The following SART3 variants were observed in gnomAD, a reference collection of about 807,000 sequenced individuals.
SART3 encodes the protein spliceosome associated factor 3, U4/U6 recycling protein.
SART3 carries 44 observed loss-of-function variants against 122.3 expected under a neutral mutation model. The ratio of observed to expected loss-of-function variants is 0.36; its 90% confidence interval spans 0.28 to 0.46. The LOEUF is 0.46. SART3 is among the 20% of genes least tolerant of loss of function. The pLI, the probability that SART3 is intolerant of heterozygous loss-of-function variation, is 1.00. For missense variants in SART3, 1,101 were observed against 1,229.0 expected, an observed-to-expected ratio of 0.90 and a Z score of 1.56; for synonymous variants, 442 against 454.0, an observed-to-expected ratio of 0.97 and a Z score of 0.34.
chr12:108,525,535 C>T lies in SART3; in HGVS notation c.2445G>A (p.Glu815=). 1 of 1,614,178 alleles carries T rather than the reference C, an allele frequency of 6.2e-7. No homozygotes were observed. Among genetic ancestry groups the T allele is most frequent in the Non-Finnish European group, 8.5e-7 (1 of 1,180,014 alleles). The change falls in exon 17 of 19, where the codon GAG becomes GAA. Residue 815 remains glutamate, a synonymous_variant. Coordinates refer to ENST00000546815, the MANE Select transcript of SART3 (RefSeq NM_014706.4). ...GAGCCTTACAGATTTCTTCTAGTTC[C>T]TCTTTAGTACAGGAGAAAGGCAGGC... is the stretch of plus-strand genomic sequence containing the variant. ...ISGLPFSCTK[E]ELEEICKAHG...
chr12:108,538,402 C>A (rs1873009826), intron 7 of SART3, among the ~76,000 whole-genome samples, 199 bp from the exon 8 acceptor site: 1 of 152,170 alleles, frequency 6.6e-6, no homozygotes, highest in South Asian at 2.1e-4. Flanking sequence ...TTAAAACAGC[C>A]TTAAAAGACG....
intron 4 of SART3, chr12:108,544,789 T>A (rs1243998367): frequency 5.2e-6 from 3 of 575,450 alleles, no homozygotes. Flanking sequence ...GGTCTTGTAC[T>A]CCTGAACTCA....
chr12:108,523,972 A>G (rs1171203598), intron 18 of SART3: 1 of 550,882 alleles, frequency 1.8e-6, no homozygotes, highest in Non-Finnish European at 3.2e-6. Context: ...TATGTGGATC[A>G]TAGCTAGGGC....
intron 12 of SART3, among the ~76,000 whole-genome samples, chr12:108,534,670 C>T (rs1872828929): frequency 1.3e-5 from 2 of 152,054 alleles, no homozygotes; most frequent in Non-Finnish European, 2.9e-5. Flanking sequence ...GTGAGACTCC[C>T]CACCTCCCCC....
chr12:108,548,894 G>A (rs1388497777), intron 2 of SART3, among the ~76,000 whole-genome samples, 194 bp downstream of exon 2: 6 of 152,128 alleles, frequency 3.9e-5, no homozygotes, highest in Admixed American at 6.5e-5. Context: ...TTCAAAATCC[G>A]TGTTATATGA....
rs150251795 is a variant in SART3 at position 108,534,894 on chromosome 12, AT to A, written c.1556+464del. Among the ~76,000 whole-genome samples the A allele has an allele frequency of 5.7e-3, 864 of 152,308 alleles. 5 individuals are homozygous for A. The highest frequency in any genetic ancestry group is 0.01 in the Middle Eastern group (3 of 294). ...TTATAAATATTGTTAGGCCTATCTT[AT>A]TTCGTTCAAATAGTTTTAAAGGCTT... On this transcript the variant is annotated intron_variant, in intron 12 of 18. Transcript: ENST00000546815.
At position 108,530,126 on chromosome 12, in the gene SART3, C is replaced by T; in HGVS notation, c.1915+16G>A. The T allele has an allele frequency of 6.2e-7, 1 of 1,614,042 alleles. No individual in the cohort carries two copies. Among genetic ancestry groups the T allele is most frequent in the East Asian group, 2.2e-5 (1 of 44,892 alleles). ...TTTAAGACGTTTCAAAACACAATTT[C>T]TCAAGAGCTCCTTACCTTCTTCATC... On this transcript the variant is annotated intron_variant, in intron 15 of 18. Transcript: ENST00000546815.
chr12:108,549,944 C>T (rs1321910821), intron 1 of SART3, among the ~76,000 whole-genome samples: 1 of 140,590 alleles, frequency 7.1e-6, no homozygotes, highest in Non-Finnish European at 1.5e-5. Context: ...GCCTGGGAGA[C>T]AGAGGTTGCA....
At chr12:108,554,242 GA>G (rs1383171533) in intron 1 of SART3, 8 of 94,822 alleles carry the variant, frequency 8.4e-5, no homozygotes, top group Non-Finnish European at 1.7e-4. Context: ...GGCTTCATGG[GA>G]TAAGTACCTT....
intron 3 of SART3, among the ~76,000 whole-genome samples, chr12:108,546,439 T>C (rs112052126): frequency 3.5e-4 from 54 of 152,188 alleles, no homozygotes; most frequent in African/African-American, 1.3e-3. Flanking sequence ...GAACTCGTGA[T>C]ATACCTGCCT....
intron 3 of SART3, among the ~76,000 whole-genome samples, chr12:108,546,920 A>T (rs1873451227): frequency 6.6e-6 from 1 of 152,136 alleles, no homozygotes; most frequent in Non-Finnish European, 1.5e-5. Flanking sequence ...CCCAGGTTCA[A>T]GCAATTCTCC....
chr12:108,544,682 C>A (rs1254935296), intron 4 of SART3: 10 of 711,458 alleles, frequency 1.4e-5, no homozygotes, highest in Non-Finnish European at 2.2e-5. Context: ...CCTCCCACCT[C>A]AGAGTCCTGA....
chr12:108,525,513 C>G lies in SART3; in HGVS notation c.2467G>C (p.Ala823Pro). Residue 823 changes from alanine to proline, a missense_variant, in exon 17 of 19, where the codon GCT becomes CCT. Ala to Pro is a conservative substitution (Grantham distance 27, BLOSUM62 -1). Transcript: ENST00000546815. ...TKEELEEICK[A>P]HGTVKDLRLV... ...CTGAGGTCCTTCACGGTGCCATGAGCCTTACAGATTTCTTCTAGTTCCTCT... is the reference window on the plus strand; with the variant it reads ...CTGAGGTCCTTCACGGTGCCATGAGGCTTACAGATTTCTTCTAGTTCCTCT... The G allele has an allele frequency of 6.2e-7, 1 of 1,614,146 alleles. No individual in the cohort carries two copies. The highest frequency in any genetic ancestry group is 8.5e-7 in the Non-Finnish European group (1 of 1,180,022).
intron 12 of SART3, among the ~76,000 whole-genome samples, chr12:108,533,388 C>CAAAA (rs34737993): frequency 7.7e-6 from 1 of 130,024 alleles, no homozygotes; most frequent in African/African-American, 3.0e-5. Context: ...TGGTTATTGC[C>CAAAA]AAAAAAAAAA....
At chr12:108,552,109 T>C (rs1365733004) in intron 1 of SART3, among the ~76,000 whole-genome samples, 1 of 152,142 alleles carries the variant, frequency 6.6e-6, no homozygotes, top group Non-Finnish European at 1.5e-5. Context: ...ATGGTATCAA[T>C]AGATGCAGAA....
At chr12:108,534,820 G>A (rs1872834203) in intron 12 of SART3, among the ~76,000 whole-genome samples, 1 of 152,206 alleles carries the variant, frequency 6.6e-6, no homozygotes, top group Admixed American at 6.5e-5. Flanking sequence ...AATGAACAAC[G>A]TTCAAGACAG....
chr12:108,542,699 A>G, intron 6 of SART3: 1 of 377,138 alleles, frequency 2.7e-6, no homozygotes, highest in Non-Finnish European at 5.1e-6. Context: ...AATTAAGGAT[A>G]CTTTCATAGC....
At chr12:108,528,168 C>T (rs1872479664) in intron 15 of SART3, among the ~76,000 whole-genome samples, 1 of 152,184 alleles carries the variant, frequency 6.6e-6, no homozygotes, top group South Asian at 2.1e-4. Context: ...CTGGAAAATT[C>T]CACTAAGTCA....
chr12:108,544,923 A>C (rs1006455248), intron 4 of SART3: 1 of 622,250 alleles, frequency 1.6e-6, no homozygotes, highest in Non-Finnish European at 2.8e-6. Context: ...CAAGCTAAAA[A>C]AATTTATACG....
Sources: gnomAD v4.1 joint callset for allele counts (sites outside exome capture counted in the v4.1 genomes callset) on GRCh38, gnomAD v4.1.1 for gene constraint, MANE v1.5 for transcripts, NCBI Gene and HGNC (gene_info 2026-07-23, HGNC 2026-07-21) for gene names.